Variants in PREX2 observed in about 807,000 individuals in gnomAD.
PREX2 encodes phosphatidylinositol-3,4,5-trisphosphate dependent Rac exchange factor 2.
PREX2 carries 107 observed loss-of-function variants against 203.2 expected under a neutral mutation model. The ratio of observed to expected loss-of-function variants is 0.53; its 90% CI spans 0.45 to 0.62. The LOEUF (loss-of-function observed/expected upper bound fraction) is 0.62. Ranked by LOEUF, PREX2 falls within the 20% of genes least tolerant of loss-of-function variation. The pLI, the probability that PREX2 is intolerant of heterozygous loss-of-function variation, is 0.00. For missense variants in PREX2, 1,777 were observed against 1,955.9 expected (o/e 0.91, Z 1.72); for synonymous variants, 672 against 663.6 (o/e 1.01, Z -0.19).
intron 1 of PREX2, among the ~76,000 whole-genome samples, chr8:67,980,505 C>T (rs767262920): frequency 6.6e-6 from 1 of 152,168 alleles, no homozygotes; most frequent in Non-Finnish European, 1.5e-5. Context: ...GTTGGCCATT[C>T]CTAAAGGAGA....
At position 68,192,529 on chromosome 8, in the gene PREX2, T is replaced by C; in HGVS notation, c.4604+4T>C. On this transcript the variant is annotated splice_donor_region_variant and intron_variant, in intron 37 of 39. Transcript: ENST00000288368. ...TGTGCAGCAGCGGTGTGCATCGGTA[T>C]GTGACCCTCCCGCCTTGCTTGCCTC... 1.3e-6 allele frequency: 2 copies of C among 1,595,668 alleles called. No homozygotes were observed. The highest frequency in any genetic ancestry group is 1.7e-6 in the Non-Finnish European group (2 of 1,169,178).
At chr8:68,054,620 C>T (rs1007350582) in intron 9 of PREX2, among the ~76,000 whole-genome samples, 4 of 152,162 alleles carry the variant, frequency 2.6e-5, no homozygotes, top group Non-Finnish European at 4.4e-5. Context: ...TGCCAGTGTT[C>T]GTAGGATTTT....
intron 1 of PREX2, among the ~76,000 whole-genome samples, chr8:68,015,473 T>A (rs1807385197): frequency 6.6e-6 from 1 of 152,254 alleles, no homozygotes. Context: ...TGGTTTACTT[T>A]CTTAGTTTGT....
chr8:67,990,728 G>C (rs779288261), intron 1 of PREX2, among the ~76,000 whole-genome samples: 8 of 151,882 alleles, frequency 5.3e-5, no homozygotes, highest in African/African-American at 7.3e-5. Context: ...AGCCAGGCTG[G>C]TCTCAAACTC....
At chr8:68,047,096 C>A (rs117917061) in intron 8 of PREX2, among the ~76,000 whole-genome samples, 2 of 151,846 alleles carry the variant, frequency 1.3e-5, no homozygotes, top group East Asian at 3.9e-4. Context: ...TAGAGAAGGA[C>A]CAAGTGGAGA....
chr8:68,053,042 A>T, intron 8 of PREX2, 55 bp from the exon 9 acceptor site: 7 of 1,490,506 alleles, frequency 4.7e-6, no homozygotes, highest in Non-Finnish European at 4.6e-6. Context: ...TAGTGTGGAT[A>T]TAATAATATT....
intron 13 of PREX2, 143 bp downstream of exon 13, chr8:68,070,027 T>C: frequency 2.3e-6 from 1 of 437,456 alleles, no homozygotes; most frequent in Non-Finnish European, 4.0e-6. Context: ...GAATAATTTA[T>C]TGTAAAATAT....
At chr8:68,176,072 G>A (rs1367106488) in intron 35 of PREX2, among the ~76,000 whole-genome samples, 2 of 152,158 alleles carry the variant, frequency 1.3e-5, no homozygotes, top group African/African-American at 4.8e-5. Context: ...GAACTTGGGA[G>A]ATTGTGTACA....
chr8:68,030,676 G>T lies in PREX2; in HGVS notation c.705+18G>T. 1 of 1,612,572 alleles carries T rather than the reference G, an allele frequency of 6.2e-7. No homozygotes were observed. Among genetic ancestry groups the T allele is most frequent in the South Asian group, 1.1e-5 (1 of 90,992 alleles). On this transcript the variant is annotated intron_variant, in intron 6 of 39. Transcript: ENST00000288368. Reference sequence around the variant, plus strand: ...GCTGGGAGGTACATTCACTTTGCTTGACAATCGAGCTTAAGATAGTTTTAT... The same window carrying T: ...GCTGGGAGGTACATTCACTTTGCTTTACAATCGAGCTTAAGATAGTTTTAT...
At chr8:68,105,358 T>G in intron 23 of PREX2, 1 of 1,365,914 alleles carries the variant, frequency 7.3e-7, no homozygotes, top group Non-Finnish European at 9.8e-7. Context: ...AGGGCCCCTG[T>G]CTGATTCTTA....
At chr8:68,173,652 A>G (rs1811923128) in intron 35 of PREX2, among the ~76,000 whole-genome samples, 1 of 152,154 alleles carries the variant, frequency 6.6e-6, no homozygotes, top group African/African-American at 2.4e-5. Context: ...GCAACAAATG[A>G]GATTAGAATT....
chr8:68,009,610 A>T (rs1414108083), intron 1 of PREX2, among the ~76,000 whole-genome samples: 1 of 152,244 alleles, frequency 6.6e-6, no homozygotes, highest in Admixed American at 6.5e-5. Flanking sequence ...CATGAAACAT[A>T]CTTTTATATG....
At position 68,115,986 on chromosome 8, in the gene PREX2, G is replaced by T. The variant is rs1022795493; in HGVS notation, c.3326+54G>T. 2.8e-6 allele frequency: 4 copies of T among 1,438,696 alleles called. No homozygotes were observed. The African/African-American group carries it at 4.3e-5, about 16-fold the overall frequency. The allele number at this position is 1,438,696 out of a possible 1,614,324, so 89.1% of individuals were successfully genotyped here. On this transcript the variant is annotated intron_variant, in intron 26 of 39. Transcript: ENST00000288368. ...TCTTAACAAAGTCAAATATGATGCT[G>T]GATTTTCCACAAAGATCTTGAAAAA...
At chr8:68,218,823 A>G (rs921707534) in intron 38 of PREX2, among the ~76,000 whole-genome samples, 5 of 152,178 alleles carry the variant, frequency 3.3e-5, no homozygotes, top group Non-Finnish European at 5.9e-5. Flanking sequence ...GAAGATTGAA[A>G]ACCAAGATCT....
chr8:68,143,981 T>C, intron 33 of PREX2, among the ~76,000 whole-genome samples: 1 of 152,184 alleles, frequency 6.6e-6, no homozygotes, highest in Non-Finnish European at 1.5e-5. Context: ...TGCTCCTTTG[T>C]CAGAGATCAG....
intron 6 of PREX2, 95 bp downstream of exon 6, chr8:68,030,753 A>G (rs1279356563): frequency 3.5e-6 from 4 of 1,156,600 alleles, no homozygotes; most frequent in Non-Finnish European, 3.8e-6. Context: ...ATAAATGGTC[A>G]TTTTCTCAGA....
chr8:68,014,454 G>A (rs962582159), intron 1 of PREX2, among the ~76,000 whole-genome samples: 6 of 152,148 alleles, frequency 3.9e-5, no homozygotes, highest in South Asian at 2.1e-4. Context: ...GTGCGGGGGG[G>A]GCGGCATATG....
At chr8:68,207,397 A>G (rs1330820197) in intron 37 of PREX2, among the ~76,000 whole-genome samples, 1 of 152,228 alleles carries the variant, frequency 6.6e-6, no homozygotes, top group African/African-American at 2.4e-5. Context: ...GAAAGCACAG[A>G]GTATAAATAA....
At chr8:68,080,299 G>T in intron 15 of PREX2, 144 bp from the exon 16 acceptor site, 1 of 561,522 alleles carries the variant, frequency 1.8e-6, no homozygotes, top group Admixed American at 3.9e-5. Context: ...AACAAAACCC[G>T]GGGCTACTTG....
Sources: gnomAD v4.1 joint callset for allele counts (sites outside exome capture counted in the v4.1 genomes callset) on GRCh38, gnomAD v4.1.1 for gene constraint, MANE v1.5 for transcripts, NCBI Gene and HGNC (gene_info 2026-07-23, HGNC 2026-07-21) for gene names.